SCN7A: variants seen among roughly 807,000 people sequenced by gnomAD.
SCN7A encodes the protein sodium voltage-gated channel alpha subunit 7.
In SCN7A, 138 loss-of-function variants were observed where a neutral mutation model predicts 155.2. That is an observed-to-expected ratio of 0.89 (90% CI 0.77 to 1.02). The LOEUF is 1.02. SCN7A is among the 50% of genes least tolerant of loss of function. The pLI, the probability that SCN7A is intolerant of heterozygous loss-of-function variation, is 0.00. For missense variants in SCN7A, 2,058 were observed against 1,986.6 expected (o/e 1.04, Z -0.68); for synonymous variants, 693 against 649.0 (o/e 1.07, Z -1.03).
chr2:166,481,396 G>C (rs1182935552), intron 2 of SCN7A, among the ~76,000 whole-genome samples: 1 of 152,108 alleles, frequency 6.6e-6, no homozygotes, highest in African/African-American at 2.4e-5. Flanking sequence ...TGCTGTATTA[G>C]AATGGTGAGT....
intron 9 of SCN7A, 49 bp downstream of exon 9, chr2:166,465,413 C>T (rs1286506982): frequency 1.6e-6 from 2 of 1,244,684 alleles, no homozygotes; most frequent in Non-Finnish European, 2.3e-6. Context: ...TCATTAAATA[C>T]TATTGACAGG....
Position 166,437,616 on chromosome 2 carries a change from C to T in SCN7A, c.2157+3780G>A, listed in dbSNP as rs535560806. Among the ~76,000 whole-genome samples, 42 of 152,282 alleles carry T rather than the reference C, an allele frequency of 2.8e-4. No homozygotes were observed. The East Asian group carries it at 6.2e-3, about 22-fold the overall frequency. ...TGGAAAAGCCATAGGCACTTAACAC[C>T]GGCCTGTGAAGGCAGCTGGGATCGG... is the stretch of plus-strand genomic sequence containing the variant. On this transcript the variant is annotated intron_variant, in intron 15 of 25. Coordinates refer to ENST00000643258, the MANE Select transcript of SCN7A (RefSeq NM_002976.4).
At chr2:166,450,710 C>A (rs553106063) in intron 11 of SCN7A, among the ~76,000 whole-genome samples, 1 of 152,218 alleles carries the variant, frequency 6.6e-6, no homozygotes, top group South Asian at 2.1e-4. Flanking sequence ...AGGAGAGTTG[C>A]TTGAACCTGG....
chr2:166,435,180 C>T (rs1303806889), intron 15 of SCN7A, among the ~76,000 whole-genome samples: 1 of 151,980 alleles, frequency 6.6e-6, no homozygotes, highest in African/African-American at 2.4e-5. Flanking sequence ...CTAAGAAATG[C>T]TACTGCTTTG....
At chr2:166,472,524 T>A in intron 5 of SCN7A, 79 bp from the exon 6 acceptor site, 1 of 1,184,874 alleles carries the variant, frequency 8.4e-7, no homozygotes, top group Non-Finnish European at 1.2e-6. Flanking sequence ...TTATGATAAC[T>A]AGCTGGCATT....
chr2:166,431,743 C>T (rs936087779), intron 16 of SCN7A, among the ~76,000 whole-genome samples: 9 of 151,988 alleles, frequency 5.9e-5, no homozygotes, highest in Non-Finnish European at 8.8e-5. Context: ...GTTCAAAATT[C>T]AAACTGGGAG....
At position 166,416,901 on chromosome 2, in the gene SCN7A, T is replaced by C. The variant is rs754825848; in HGVS notation, c.3220A>G (p.Ile1074Val). 4.3e-6 allele frequency: 7 copies of C among 1,613,182 alleles called. No individual in the cohort carries two copies. The East Asian group carries it at 1.3e-4, about 31-fold the overall frequency. ...CCAGCAAATAAGTCTACTCCCATGA[T>C]ACTAAAAATCAGCCAGATCATCAGG... ...VCLMIWLIFS[I>V]MGVDLFAGRF... The change falls in exon 21 of 26, where the codon ATC becomes GTC. Residue 1074 changes from isoleucine to valine, a missense_variant. Ile to Val is a conservative substitution (Grantham distance 29). Transcript: ENST00000643258.
Position 166,405,381 on chromosome 2 carries a change from G to T in SCN7A, c.*199C>A. ...CACTTTAACCCACTTTAAACTCACTGCAGCAATATTAAGGATTCTCTTGAT... is the reference window on the plus strand; with the variant it reads ...CACTTTAACCCACTTTAAACTCACTTCAGCAATATTAAGGATTCTCTTGAT... On this transcript the variant is annotated 3_prime_UTR_variant, in exon 26 of 26. Transcript: ENST00000643258. 1.9e-6 allele frequency: 1 copy of T among 517,420 alleles called. No individual in the cohort carries two copies. Among genetic ancestry groups the T allele is most frequent in the South Asian group, 3.3e-5 (1 of 30,104 alleles). The allele number at this position is 517,420 out of a possible 1,614,324, so 32.1% of individuals were successfully genotyped here.
intron 20 of SCN7A, among the ~76,000 whole-genome samples, chr2:166,419,154 T>A (rs1304744117): frequency 1.3e-5 from 2 of 152,154 alleles, no homozygotes; most frequent in East Asian, 3.8e-4. Context: ...CCTCCCTATA[T>A]GTCTAAACTT....
intron 15 of SCN7A, among the ~76,000 whole-genome samples, chr2:166,435,290 ACTT>A (rs1490048107): frequency 2.6e-5 from 4 of 152,132 alleles, no homozygotes; most frequent in East Asian, 1.9e-4. Flanking sequence ...ACTGATTACT[ACTT>A]CTAATTTGAG....
chr2:166,437,250 G>T (rs1448217972), intron 15 of SCN7A, among the ~76,000 whole-genome samples: 2 of 152,212 alleles, frequency 1.3e-5, no homozygotes, highest in East Asian at 1.9e-4. Flanking sequence ...AGGGGCCAAG[G>T]TATAGCTTAG....
chr2:166,420,215 A>C (rs1387745915), intron 20 of SCN7A, among the ~76,000 whole-genome samples: 1 of 152,050 alleles, frequency 6.6e-6, no homozygotes, highest in Non-Finnish European at 1.5e-5. Flanking sequence ...AAGTGGAAGG[A>C]GTTTAAGTGT....
At position 166,427,857 on chromosome 2, in the gene SCN7A, G is replaced by T; in HGVS notation, c.2784C>A (p.Cys928Ter). The change falls in exon 18 of 26, where the codon TGC becomes TGA. Residue 928 changes from cysteine to a stop codon, truncating the protein, a stop_gained. Transcript: ENST00000643258. LOFTEE classifies it high-confidence loss of function. The stretch of plus-strand genomic sequence containing the variant: ...TAAACCAATTGTTCTCTACAATCTT[G>T]CAGCAGGTTTTCCTGATGTTCTGCC... ...KIWQNIRKTCCKIVENNWFKC... is the reference protein window; with the variant it reads ...KIWQNIRKTC 1 of 1,612,554 alleles carries T rather than the reference G, an allele frequency of 6.2e-7. No individual in the cohort carries two copies. Among genetic ancestry groups the T allele is most frequent in the Non-Finnish European group, 8.5e-7 (1 of 1,179,192 alleles).
intron 18 of SCN7A, among the ~76,000 whole-genome samples, chr2:166,424,590 A>G (rs970160534): frequency 6.6e-6 from 1 of 152,108 alleles, no homozygotes; most frequent in Non-Finnish European, 1.5e-5. Flanking sequence ...TCATAATAAT[A>G]GAGGGATCAG....
intron 23 of SCN7A, 82 bp from the exon 24 acceptor site, chr2:166,410,406 G>T: frequency 3.5e-6 from 3 of 861,634 alleles, no homozygotes; most frequent in South Asian, 1.9e-5. Flanking sequence ...TAAAGACTTG[G>T]CAATTATTGA....
intron 14 of SCN7A, 77 bp downstream of exon 14, chr2:166,443,426 C>G: frequency 8.0e-7 from 1 of 1,256,432 alleles, no homozygotes; most frequent in Non-Finnish European, 1.1e-6. Flanking sequence ...ATAGGTATTA[C>G]TGTAACCCCA....
intron 19 of SCN7A, among the ~76,000 whole-genome samples, chr2:166,421,985 C>G (rs1701520924): frequency 6.6e-6 from 1 of 152,046 alleles, no homozygotes; most frequent in African/African-American, 2.4e-5. Flanking sequence ...ACTAAAGAGA[C>G]AGCCTTGAAG....
At chr2:166,474,543 C>T (rs375612817) in intron 3 of SCN7A, among the ~76,000 whole-genome samples, 199 bp from the exon 4 acceptor site, 1 of 151,460 alleles carries the variant, frequency 6.6e-6, no homozygotes, top group South Asian at 2.1e-4. Context: ...GCCTATTTAT[C>T]TACCATTTTT....
intron 10 of SCN7A, 40 bp downstream of exon 10, chr2:166,462,349 T>A (rs1483627743): frequency 6.5e-7 from 1 of 1,542,640 alleles, no homozygotes; most frequent in East Asian, 2.4e-5. Context: ...AAGGGCATGG[T>A]GCCATTCCTA....
Sources: gnomAD v4.1 joint callset for allele counts (sites outside exome capture counted in the v4.1 genomes callset) on GRCh38, gnomAD v4.1.1 for gene constraint, MANE v1.5 for transcripts, NCBI Gene and HGNC (gene_info 2026-07-23, HGNC 2026-07-21) for gene names.